Variants in MAPK10 observed in about 807,000 individuals in gnomAD.
The protein encoded by MAPK10 is JNK3 alpha protein kinase.
In MAPK10, 25 loss-of-function variants were observed where a neutral mutation model predicts 59.3. That is an observed-to-expected ratio of 0.42 (90% CI 0.31 to 0.59). The LOEUF is 0.59. Ranked by LOEUF, MAPK10 falls within the 20% of genes least tolerant of loss-of-function variation. MAPK10 has a pLI of 0.15. For missense variants in MAPK10, 351 were observed against 568.9 expected (o/e 0.62, Z 3.90); for synonymous variants, 190 against 200.5 (o/e 0.95, Z 0.44).
chr4:86,355,783 G>A (rs189558505), intron 1 of MAPK10, among the ~76,000 whole-genome samples: 13 of 152,224 alleles, frequency 8.5e-5, no homozygotes, highest in African/African-American at 2.4e-4. Flanking sequence ...TGGAGCTTCC[G>A]CCTACAAACA....
At chr4:86,374,268 C>T (rs1739416382) in intron 1 of MAPK10, among the ~76,000 whole-genome samples, 1 of 151,654 alleles carries the variant, frequency 6.6e-6, no homozygotes, top group African/African-American at 2.4e-5. Context: ...GGGTGGGGGA[C>T]TAGGGGAGGG....
At chr4:86,160,123 ATATCT>A (rs1263141229) in intron 3 of MAPK10, 1 of 151,984 alleles carries the variant, frequency 6.6e-6, no homozygotes, top group African/African-American at 2.4e-5. Context: ...TAGATTTTAA[ATATCT>A]TAATTGTTGC....
intron 1 of MAPK10, among the ~76,000 whole-genome samples, chr4:86,489,246 T>G (rs1221263147): frequency 6.6e-6 from 1 of 152,194 alleles, no homozygotes; most frequent in Non-Finnish European, 1.5e-5. Flanking sequence ...ATGACTGCCA[T>G]TTTAAGCCAG....
At chr4:86,374,400 C>A (rs964537228) in intron 1 of MAPK10, among the ~76,000 whole-genome samples, 3 of 151,764 alleles carry the variant, frequency 2.0e-5, no homozygotes, top group African/African-American at 7.3e-5. Context: ...GAACTTAAAG[C>A]ATAATAAAAA....
chr4:86,548,653 G>A (rs1397111940), intron 1 of MAPK10, among the ~76,000 whole-genome samples: 1 of 152,158 alleles, frequency 6.6e-6, no homozygotes, highest in South Asian at 2.1e-4. Flanking sequence ...TTCCTGTATA[G>A]CCCATGGAAC....
chr4:86,324,005 T>G (rs1464324833), intron 2 of MAPK10, among the ~76,000 whole-genome samples: 1 of 152,134 alleles, frequency 6.6e-6, no homozygotes, highest in Admixed American at 6.5e-5. Flanking sequence ...ATCTAAATAG[T>G]ATAATAAAAC....
chr4:86,529,260 C>A lies in MAPK10; in HGVS notation c.-263+64650G>T, dbSNP rs1282650970. ...TGGCAGATGCAGGCTTGGTGGCATT[C>A]TCCACAGGTGAGCCCCTCATTGCCC... On this transcript the variant is annotated intron_variant, in intron 1 of 4. Coordinates refer to the MAPK10 transcript ENST00000502302. 2.6e-5 allele frequency among the ~76,000 whole-genome samples: 4 copies of A among 152,310 alleles called. No homozygotes were observed. In the East Asian group the frequency reaches 5.8e-4, roughly 22 times the overall value.
chr4:86,468,257 T>G (rs1752377586), intron 1 of MAPK10, among the ~76,000 whole-genome samples: 1 of 152,174 alleles, frequency 6.6e-6, no homozygotes, highest in South Asian at 2.1e-4. Context: ...AATCCTTTTT[T>G]TGCCTACCTC....
upstream of MAPK10, chr4:86,360,076 C>G (rs913692870): frequency 8.1e-6 from 8 of 985,614 alleles, no homozygotes; most frequent in African/African-American, 1.7e-5. Flanking sequence ...AGGAGACGGA[C>G]AGAGGGCTTG....
chr4:86,136,873 G>T (rs906237076), intron 4 of MAPK10, among the ~76,000 whole-genome samples: 2 of 152,062 alleles, frequency 1.3e-5, no homozygotes, highest in Admixed American at 1.3e-4. Context: ...AAAAAAGGCA[G>T]GGGTTGTAAT....
chr4:86,045,792 C>T (rs1227858017), intron 11 of MAPK10, among the ~76,000 whole-genome samples: 2 of 151,536 alleles, frequency 1.3e-5, no homozygotes, highest in African/African-American at 4.8e-5. Context: ...TCTCTTGACC[C>T]TGGGATTTTT....
intron 1 of MAPK10, among the ~76,000 whole-genome samples, chr4:86,388,078 T>C (rs1321273633): frequency 2.0e-5 from 3 of 151,478 alleles, no homozygotes; most frequent in African/African-American, 4.8e-5. Flanking sequence ...ATTTAAGAAG[T>C]TGATAACTGT....
At chr4:86,532,040 CAT>C (rs956298026) in intron 1 of MAPK10, among the ~76,000 whole-genome samples, 11 of 147,702 alleles carry the variant, frequency 7.4e-5, no homozygotes, top group East Asian at 2.0e-4. Context: ...TTTTTAATTA[CAT>C]ATATATATTA....
At chr4:86,415,940 A>T (rs1019321279) in intron 1 of MAPK10, among the ~76,000 whole-genome samples, 1 of 152,208 alleles carries the variant, frequency 6.6e-6, no homozygotes, top group Non-Finnish European at 1.5e-5. Flanking sequence ...TTTAAGTTTT[A>T]TCATCATCTA....
chr4:86,240,600 T>G (rs1448993235), intron 2 of MAPK10, among the ~76,000 whole-genome samples: 1 of 151,244 alleles, frequency 6.6e-6, no homozygotes, highest in African/African-American at 2.5e-5. Context: ...AATGCCCTTT[T>G]TTGTCTTTTT....
Position 86,439,633 on chromosome 4 carries a change from T to C in MAPK10, c.-122+13397A>G, listed in dbSNP as rs555663904. On this transcript the variant is annotated intron_variant, in intron 1 of 13. Transcript: ENST00000361569. ...CTAAAGGTAGAATTGCTGGGTTATA[T>C]TGTAAGTGTATGTTTAATGTTAAAG... 8.7e-4 allele frequency among the ~76,000 whole-genome samples: 133 copies of C among 152,348 alleles called. No homozygotes were observed. In the Middle Eastern group the frequency reaches 0.01, roughly 12 times the overall value.
chr4:86,179,211 T>C (rs1670972477), intron 3 of MAPK10, among the ~76,000 whole-genome samples: 1 of 149,792 alleles, frequency 6.7e-6, no homozygotes, highest in Admixed American at 6.7e-5. Context: ...AAAATAAAAA[T>C]AAAAAAAGAA....
intron 2 of MAPK10, among the ~76,000 whole-genome samples, chr4:86,237,412 A>G (rs1401899974): frequency 1.3e-5 from 2 of 152,124 alleles, no homozygotes; most frequent in Non-Finnish European, 2.9e-5. Flanking sequence ...CTGGTTCTAG[A>G]TCCTTGAAGA....
At chr4:86,258,489 C>T (rs942942122) in intron 2 of MAPK10, among the ~76,000 whole-genome samples, 34 of 152,246 alleles carry the variant, frequency 2.2e-4, no homozygotes, top group African/African-American at 7.7e-4. Context: ...AATCCATGTC[C>T]CCTCTGGATA....
Sources: allele counts gnomAD v4.1 joint callset (sites outside exome capture counted in the v4.1 genomes callset), GRCh38; gene constraint gnomAD v4.1.1; transcripts MANE v1.5; gene names NCBI Gene and HGNC (gene_info 2026-07-23, HGNC 2026-07-21).